Variants in PTPRC observed in about 807,000 individuals in gnomAD.
PTPRC encodes the protein protein tyrosine phosphatase receptor type C, also known as receptor-type tyrosine-protein phosphatase C.
Under a neutral mutation model 155.9 loss-of-function variants are expected in PTPRC, and 44 were observed. The observed-to-expected ratio is 0.28, with a 90% CI of 0.22 to 0.36. PTPRC has a LOEUF of 0.36. Among genes scored for constraint, PTPRC ranks in the 10% least tolerant of loss-of-function variants. PTPRC has a pLI of 1.00. For missense variants in PTPRC, 1,401 were observed against 1,564.6 expected (o/e 0.90, Z 1.76); for synonymous variants, 525 against 533.1 (o/e 0.98, Z 0.21).
intron 2 of PTPRC, among the ~76,000 whole-genome samples, chr1:198,649,450 A>G (rs1663120360): frequency 6.6e-6 from 1 of 151,914 alleles, no homozygotes; most frequent in African/African-American, 2.4e-5. Context: ...AAACAGATAA[A>G]CCAAAGAAAA....
intron 2 of PTPRC, among the ~76,000 whole-genome samples, chr1:198,641,746 C>T (rs1027376504): frequency 3.3e-5 from 5 of 151,744 alleles, no homozygotes; most frequent in African/African-American, 1.2e-4. Context: ...GGCAGATCTA[C>T]CACACTATAG....
At chr1:198,658,102 C>T (rs937162501) in intron 2 of PTPRC, among the ~76,000 whole-genome samples, 1 of 152,150 alleles carries the variant, frequency 6.6e-6, no homozygotes, top group African/African-American at 2.4e-5. Context: ...GAATACCCTT[C>T]CTTATTTGGT....
intron 14 of PTPRC, among the ~76,000 whole-genome samples, chr1:198,721,810 CTT>C (rs1472037532): frequency 1.3e-5 from 2 of 151,312 alleles, no homozygotes; most frequent in Admixed American, 1.3e-4. Context: ...TTATTATTCT[CTT>C]TTAATGATAT....
At chr1:198,656,098 A>C (rs774061237) in intron 2 of PTPRC, among the ~76,000 whole-genome samples, 35 of 152,134 alleles carry the variant, frequency 2.3e-4, no homozygotes, top group Non-Finnish European at 4.6e-4. Context: ...ATTAAGTATT[A>C]ACTATTAGAA....
In PTPRC at chr1:198,718,044, C is replaced by T. The variant is rs781333089; in HGVS notation, c.1451-50C>T. Reference sequence around the variant, plus strand: ...TATCCAAGTATTGTCAAGTAATTTACATATGCATCTATTAAATTATTAATA... The same window carrying T: ...TATCCAAGTATTGTCAAGTAATTTATATATGCATCTATTAAATTATTAATA... On this transcript the variant is annotated intron_variant, in intron 13 of 32. Transcript: ENST00000442510. 9 of 1,391,884 alleles carry T rather than the reference C, an allele frequency of 6.5e-6. No individual in the cohort carries two copies. In the East Asian group the frequency reaches 1.9e-4, roughly 29 times the overall value. 86.2% of individuals were successfully genotyped at this position (1,391,884 alleles called of 1,614,324 possible).
intron 2 of PTPRC, among the ~76,000 whole-genome samples, chr1:198,641,735 A>C (rs772722388): frequency 7.9e-4 from 120 of 151,998 alleles, no homozygotes; most frequent in Admixed American, 1.2e-3. Flanking sequence ...TTGTAATGCC[A>C]GGCAGATCTA....
chr1:198,659,773 C>T (rs1466671189), intron 2 of PTPRC, among the ~76,000 whole-genome samples: 2 of 151,762 alleles, frequency 1.3e-5, no homozygotes, highest in Non-Finnish European at 2.9e-5. Context: ...ACCTCAGGAC[C>T]TCAGGTGATC....
chr1:198,726,555 G>A (rs1004747799), intron 15 of PTPRC, among the ~76,000 whole-genome samples: 2 of 152,130 alleles, frequency 1.3e-5, no homozygotes, highest in Non-Finnish European at 2.9e-5. Flanking sequence ...AAATGACAGA[G>A]CCTGAATTCA....
intron 2 of PTPRC, among the ~76,000 whole-genome samples, chr1:198,650,278 A>C (rs1324122288): frequency 6.6e-6 from 1 of 151,864 alleles, no homozygotes; most frequent in East Asian, 1.9e-4. Context: ...GTACAGAATA[A>C]CCTAATCTTC....
rs1276140091 is a variant in PTPRC, at chr1:198,702,519, C to T, written c.572C>T (p.Ala191Val). ...CGCACCTCCAACACCACCATCACAG[C>T]GAACACCTCAGGTCTGACTATGCTG... is the stretch of plus-strand genomic sequence containing the variant. The part of the protein sequence containing the change: ...PARTSNTTIT[A>V]NTSDAYLNAS... Residue 191 changes from alanine to valine, a missense_variant, in exon 6 of 33, where the codon GCG (alanine) becomes GTG (valine). Coordinates refer to ENST00000442510, the MANE Select transcript of PTPRC (RefSeq NM_002838.5). 1.4e-5 allele frequency: 23 copies of T among 1,614,056 alleles called. No homozygotes were observed. Among genetic ancestry groups the T allele is most frequent in the African/African-American group, 8.0e-5 (6 of 74,908 alleles).
intron 5 of PTPRC, among the ~76,000 whole-genome samples, chr1:198,701,810 C>A (rs1156247335): frequency 6.6e-6 from 1 of 152,204 alleles, no homozygotes; most frequent in South Asian, 2.1e-4. Context: ...TTGTAACCTT[C>A]AGCTGGAAAG....
chr1:198,698,006 A>C (rs949151844), intron 4 of PTPRC, among the ~76,000 whole-genome samples: 19 of 152,160 alleles, frequency 1.2e-4, no homozygotes, highest in African/African-American at 4.6e-4. Context: ...ACATTGCCCA[A>C]AATTTTTACA....
rs748441143 is a variant in PTPRC, at chr1:198,708,219, T to C, written c.991T>C (p.Phe331Leu). The C allele has an allele frequency of 6.2e-7, 1 of 1,606,406 alleles. No homozygotes were observed. The highest frequency in any genetic ancestry group is 8.5e-7 in the Non-Finnish European group (1 of 1,173,770). The stretch of plus-strand genomic sequence containing the variant: ...TTTAAAATGGAAAAATATTGAAACC[T>C]TTACTTGTGATACACAGAATATTAC... Reference protein sequence around the residue: ...ICLKWKNIETFTCDTQNITYR... With the variant: ...ICLKWKNIETLTCDTQNITYR... Residue 331 changes from phenylalanine (F) to leucine (L), a missense_variant, in exon 10 of 33, where the codon TTT becomes CTT. By Grantham distance (22) the Phe-to-Leu change is conservative. Coordinates refer to ENST00000442510, the MANE Select transcript of PTPRC (RefSeq NM_002838.5).
At chr1:198,715,939 A>G (rs1653565264) in intron 12 of PTPRC, among the ~76,000 whole-genome samples, 2 of 152,128 alleles carry the variant, frequency 1.3e-5, no homozygotes, top group Admixed American at 1.3e-4. Flanking sequence ...TTTTTACTTA[A>G]CAAGTGCTAA....
intron 2 of PTPRC, among the ~76,000 whole-genome samples, chr1:198,664,514 GT>G (rs1385002806): frequency 6.6e-6 from 1 of 152,042 alleles, no homozygotes; most frequent in Non-Finnish European, 1.5e-5. Flanking sequence ...AAACAGAACT[GT>G]TTTTTTAAAA....
chr1:198,649,736 C>A (rs1344534047), intron 2 of PTPRC, among the ~76,000 whole-genome samples: 1 of 151,760 alleles, frequency 6.6e-6, no homozygotes, highest in Admixed American at 6.6e-5. Context: ...GTTTATAGAG[C>A]CCCTGCTAAG....
At chr1:198,659,548 T>A (rs1218907334) in intron 2 of PTPRC, among the ~76,000 whole-genome samples, 10 of 151,476 alleles carry the variant, frequency 6.6e-5, no homozygotes, top group Non-Finnish European at 1.3e-4. Context: ...CATATATATT[T>A]TTTTTTTTGC....
At chr1:198,659,547 T>A (rs74544990) in intron 2 of PTPRC, among the ~76,000 whole-genome samples, 4,836 of 147,128 alleles carry the variant, frequency 0.033, 84 homozygotes, top group Non-Finnish European at 0.033. Context: ...ACATATATAT[T>A]TTTTTTTTTG....
chr1:198,662,485 T>TGAGA (rs1664031536), intron 2 of PTPRC, among the ~76,000 whole-genome samples: 1 of 149,176 alleles, frequency 6.7e-6, no homozygotes, highest in Non-Finnish European at 1.5e-5. Context: ...TGTGAGAGTG[T>TGAGA]GTGTGTATAA....
Sources: gnomAD v4.1 joint callset for allele counts (sites outside exome capture counted in the v4.1 genomes callset) on GRCh38, gnomAD v4.1.1 for gene constraint, MANE v1.5 for transcripts, NCBI Gene and HGNC (gene_info 2026-07-23, HGNC 2026-07-21) for gene names.